RNF150: variants seen among roughly 807,000 people sequenced by gnomAD.
The protein encoded by RNF150 is ring finger protein 150.
Under a neutral mutation model 39.3 loss-of-function variants are expected in RNF150, and 24 were observed. That is an observed-to-expected ratio of 0.61 (90% CI 0.44 to 0.86). The LOEUF is 0.86. RNF150 is among the 40% of genes least tolerant of loss of function. The pLI, the probability that RNF150 is intolerant of heterozygous loss-of-function variation, is 0.00. For missense variants in RNF150, 502 were observed against 587.8 expected, an observed-to-expected ratio of 0.85 and a Z score of 1.51; for synonymous variants, 255 against 227.3, an observed-to-expected ratio of 1.12 and a Z score of -1.10.
At chr4:141,185,011 C>T (rs1051745801) in intron 1 of RNF150, among the ~76,000 whole-genome samples, 2 of 18,174 alleles carry the variant, frequency 1.1e-4, no homozygotes, top group Admixed American at 2.9e-3. Flanking sequence ...TATACAGGCT[C>T]ATTTTTTTTT....
chr4:140,867,151 C>T lies in RNF150; in HGVS notation c.*1110G>A, dbSNP rs1728741976. On this transcript the variant is annotated 3_prime_UTR_variant, in exon 7 of 7. Coordinates refer to ENST00000515673, the MANE Select transcript of RNF150 (RefSeq NM_020724.2). ...CTGCTAGGGATTCACCTAAATCCTC[C>T]CACATGGTCTGGTGAGATTCAACAG... The T allele has an allele frequency of 6.6e-6, 1 of 152,132 alleles. No individual in the cohort carries two copies. Among genetic ancestry groups the T allele is most frequent in the Non-Finnish European group, 1.5e-5 (1 of 68,036 alleles). The allele number at this position is 152,132 out of a possible 1,614,324, so 9.4% of individuals were successfully genotyped here. A position where few individuals can be genotyped will look rare whatever the true frequency, so the allele number is the denominator to read the frequency against.
intron 5 of RNF150, among the ~76,000 whole-genome samples, chr4:140,921,275 G>A (rs13102689): frequency 0.55 from 83,108 of 150,682 alleles, 23,419 homozygotes; most frequent in East Asian, 0.89. Flanking sequence ...ATAAAAAATG[G>A]CAAAGGGGAT....
At chr4:140,955,444 C>T (rs1325751806) in intron 2 of RNF150, among the ~76,000 whole-genome samples, 1 of 152,102 alleles carries the variant, frequency 6.6e-6, no homozygotes, top group Non-Finnish European at 1.5e-5. Context: ...TGACTTTGGC[C>T]AAGTCACTTA....
Position 140,973,895 on chromosome 4 carries a change from A to AG in RNF150, c.485-6023_485-6022insC, listed in dbSNP as rs1405485685. Among the ~76,000 whole-genome samples the AG allele has an allele frequency of 3.3e-5, 5 of 151,448 alleles. No individual in the cohort carries two copies. In the South Asian group the frequency reaches 6.3e-4, roughly 19 times the overall value. Reference sequence around the variant, plus strand: ...TGTTTAAAAAAAAAAAAAAAAAAAAAAAGAAGAGGTAAAAACAGTACACGG... The same window carrying AG: ...TGTTTAAAAAAAAAAAAAAAAAAAAAGAAGAAGAGGTAAAAACAGTACACGG... On this transcript the variant is annotated intron_variant, in intron 1 of 6. Transcript: ENST00000515673.
upstream of RNF150, among the ~76,000 whole-genome samples, chr4:141,134,139 A>T (rs111336220): frequency 1.3e-5 from 2 of 152,148 alleles, no homozygotes; most frequent in East Asian, 1.9e-4. Context: ...GTTTATTCTG[A>T]TTGTCATGGC....
At chr4:140,889,452 G>A (rs570548448) in intron 6 of RNF150, among the ~76,000 whole-genome samples, 9 of 152,092 alleles carry the variant, frequency 5.9e-5, no homozygotes, top group Non-Finnish European at 1.3e-4. Flanking sequence ...ATTACTTTAT[G>A]TGATGTTTTT....
chr4:141,195,473 T>G (rs910155261), intron 1 of RNF150, among the ~76,000 whole-genome samples: 2 of 152,296 alleles, frequency 1.3e-5, no homozygotes, highest in South Asian at 4.1e-4. Context: ...CTTCCTCCTT[T>G]CCCCACCTCC....
intron 3 of RNF150, 104 bp from the exon 4 acceptor site, chr4:140,947,840 G>T: frequency 1.5e-6 from 1 of 688,698 alleles, no homozygotes; most frequent in Non-Finnish European, 2.4e-6. Context: ...AAAGCTTTCC[G>T]CTGTGCTGGT....
At chr4:140,985,209 T>G (rs985714987) in intron 1 of RNF150, among the ~76,000 whole-genome samples, 1 of 152,148 alleles carries the variant, frequency 6.6e-6, no homozygotes, top group Non-Finnish European at 1.5e-5. Flanking sequence ...TGCAAAAACA[T>G]GAATTACATG....
chr4:140,938,203 G>T (rs533458615), intron 4 of RNF150, among the ~76,000 whole-genome samples: 4 of 152,122 alleles, frequency 2.6e-5, no homozygotes, highest in Non-Finnish European at 5.9e-5. Context: ...GTTTAAAAAT[G>T]TTAAGGGGCT....
intron 1 of RNF150, among the ~76,000 whole-genome samples, chr4:141,057,793 C>T (rs1737043338): frequency 6.6e-6 from 1 of 152,140 alleles, no homozygotes; most frequent in Non-Finnish European, 1.5e-5. Context: ...GACCAACACC[C>T]TACTGTTGAC....
intron 1 of RNF150, among the ~76,000 whole-genome samples, chr4:141,017,696 C>T (rs1283970407): frequency 6.6e-6 from 1 of 152,164 alleles, no homozygotes; most frequent in Non-Finnish European, 1.5e-5. Context: ...ATCTTTTTAA[C>T]TCTCTCCATA....
chr4:140,967,469 G>A (rs1318701264), intron 2 of RNF150, among the ~76,000 whole-genome samples, 154 bp downstream of exon 2: 1 of 152,034 alleles, frequency 6.6e-6, no homozygotes, highest in Admixed American at 6.6e-5. Flanking sequence ...GATATATTTG[G>A]ATAATATCTG....
intron 1 of RNF150, among the ~76,000 whole-genome samples, chr4:141,000,048 A>AAGG (rs1734587475): frequency 3.7e-5 from 3 of 81,538 alleles, no homozygotes; most frequent in Non-Finnish European, 5.6e-5. Flanking sequence ...GAAGAAGAAG[A>AAGG]AGAAGAAGAA....
chr4:140,990,232 G>A (rs1290281105), intron 1 of RNF150, among the ~76,000 whole-genome samples: 1 of 152,044 alleles, frequency 6.6e-6, no homozygotes, highest in African/African-American at 2.4e-5. Context: ...TTCATTGTCT[G>A]GTCCTAATGG....
chr4:141,196,555 C>T (rs1332885858), intron 1 of RNF150, among the ~76,000 whole-genome samples: 3 of 152,170 alleles, frequency 2.0e-5, no homozygotes, highest in Non-Finnish European at 2.9e-5. Flanking sequence ...ATTATGCTTC[C>T]ACTACATTGT....
chr4:141,085,389 C>T (rs916052785), intron 1 of RNF150, among the ~76,000 whole-genome samples: 17 of 152,136 alleles, frequency 1.1e-4, no homozygotes, highest in African/African-American at 1.9e-4. Context: ...ATATCAGGGG[C>T]GTAGCCACCA....
intron 1 of RNF150, among the ~76,000 whole-genome samples, chr4:141,086,932 C>A (rs563380181): frequency 6.6e-6 from 1 of 151,786 alleles, no homozygotes; most frequent in African/African-American, 2.4e-5. Flanking sequence ...CTTTTTTTGG[C>A]GTTAATAAAA....
At position 140,947,718 on chromosome 4, in the gene RNF150, C is replaced by G. The variant is rs1165603744; in HGVS notation, c.826G>C (p.Asp276His). 6.3e-7 allele frequency: 1 copy of G among 1,596,048 alleles called. No individual in the cohort carries two copies. Among genetic ancestry groups the G allele is most frequent in the Non-Finnish European group, 8.5e-7 (1 of 1,172,996 alleles). Residue 276 changes from aspartate (D) to histidine (H), a missense_variant, in exon 4 of 7, where the codon GAC becomes CAC. By Grantham distance (81) the Asp-to-His change is moderately conservative (BLOSUM62 -1). Coordinates refer to ENST00000515673, the MANE Select transcript of RNF150 (RefSeq NM_020724.2). ...CCTTCAATACAAACTGCACAGTTGT[C>G]AAAATCAGACTCTGTTTCCTGCAAC... Reference protein sequence around the residue: ...KGDKETESDFDNCAVCIEGYK... With the variant: ...KGDKETESDFHNCAVCIEGYK...
Sources: allele counts gnomAD v4.1 joint callset (sites outside exome capture counted in the v4.1 genomes callset), GRCh38; gene constraint gnomAD v4.1.1; transcripts MANE v1.5; gene names NCBI Gene and HGNC (gene_info 2026-07-23, HGNC 2026-07-21).